RPSA2: variants seen among roughly 807,000 people sequenced by gnomAD.
RPSA2 encodes the protein small ribosomal subunit protein uS2B.
the RPSA2 span, chr19:23,818,058 C>T: frequency 6.6e-6 from 1 of 152,144 alleles, no homozygotes; most frequent in Non-Finnish European, 1.5e-5. Flanking sequence ...TCTTTACATC[C>T]TCTACTTCAT....
At chr19:23,763,956 C>G in the RPSA2 span, among the ~76,000 whole-genome samples, 1 of 151,976 alleles carries the variant, frequency 6.6e-6, no homozygotes, top group Non-Finnish European at 1.5e-5. Context: ...TATGTAGTCA[C>G]CTTATTTGTA....
the RPSA2 span, among the ~76,000 whole-genome samples, chr19:23,789,970 G>A: frequency 2.6e-5 from 4 of 151,896 alleles, no homozygotes; most frequent in Admixed American, 2.0e-4. Context: ...GAGCCACTGC[G>A]CCTGCCCCCC....
At chr19:23,795,166 G>T in the RPSA2 span, among the ~76,000 whole-genome samples, 473 of 140,372 alleles carry the variant, frequency 3.4e-3, 3 homozygotes, top group African/African-American at 0.012. Context: ...GGACTCTTTT[G>T]GTTTTATATG....
chr19:23,827,651 A>G, the RPSA2 span: 4 of 1,596,376 alleles, frequency 2.5e-6, no homozygotes, highest in Non-Finnish European at 2.5e-6. Flanking sequence ...CATCCCATGC[A>G]ACAACAAGGG....
chr19:23,842,345 G>GT, the RPSA2 span, among the ~76,000 whole-genome samples: 1 of 152,088 alleles, frequency 6.6e-6, no homozygotes, highest in East Asian at 1.9e-4. Context: ...AATTACACTG[G>GT]TTTTTTGGAT....
chr19:23,829,673 T>C, the RPSA2 span, among the ~76,000 whole-genome samples: 1 of 152,222 alleles, frequency 6.6e-6, no homozygotes, highest in African/African-American at 2.4e-5. Flanking sequence ...GATACAACAA[T>C]ACATTTTAAT....
chr19:23,814,962 C>G, the RPSA2 span, among the ~76,000 whole-genome samples: 2 of 152,124 alleles, frequency 1.3e-5, no homozygotes, highest in African/African-American at 4.8e-5. Flanking sequence ...CTTTCCTCCT[C>G]AGTGTCTCAT....
chr19:23,763,159 C>A, the RPSA2 span: 1 of 155,444 alleles, frequency 6.4e-6, no homozygotes, highest in South Asian at 1.8e-4. Flanking sequence ...TTGGGCAACC[C>A]GAGAAGGGAG....
the RPSA2 span, among the ~76,000 whole-genome samples, chr19:23,825,769 A>T: frequency 6.6e-6 from 1 of 152,016 alleles, no homozygotes; most frequent in Non-Finnish European, 1.5e-5. Flanking sequence ...TTGTATTTTT[A>T]GTAGAGACAG....
chr19:23,766,451 A>AT, the RPSA2 span, among the ~76,000 whole-genome samples: 53 of 102,686 alleles, frequency 5.2e-4, 1 homozygote, highest in African/African-American at 1.8e-3. Context: ...TCTCAAGCTA[A>AT]TTTTTTTTTT....
At chr19:23,866,169 G>C in the RPSA2 span, among the ~76,000 whole-genome samples, 6 of 152,160 alleles carry the variant, frequency 3.9e-5, no homozygotes, top group Non-Finnish European at 2.9e-5. Context: ...AAGCATGTTT[G>C]GAGCACAATT....
chr19:23,821,685 T>C, the RPSA2 span, among the ~76,000 whole-genome samples: 2 of 152,332 alleles, frequency 1.3e-5, no homozygotes, highest in East Asian at 3.9e-4. Context: ...ATTCTCTTCA[T>C]TGTCCTCTGG....
At chr19:23,775,684 A>C in the RPSA2 span, among the ~76,000 whole-genome samples, 10 of 152,230 alleles carry the variant, frequency 6.6e-5, no homozygotes, top group African/African-American at 2.4e-4. Context: ...TCATAAGTGA[A>C]TTCAGTCCAA....
At chr19:23,837,232 G>A in the RPSA2 span, among the ~76,000 whole-genome samples, 1 of 151,992 alleles carries the variant, frequency 6.6e-6, no homozygotes, top group South Asian at 2.1e-4. Flanking sequence ...ACCGTTTGTT[G>A]AAAAGGGTGT....
At chr19:23,853,942 A>G in the RPSA2 span, among the ~76,000 whole-genome samples, 1 of 152,218 alleles carries the variant, frequency 6.6e-6, no homozygotes, top group South Asian at 2.1e-4. Context: ...CAATCCCAGT[A>G]TCTACTAGGC....
the RPSA2 span, among the ~76,000 whole-genome samples, chr19:23,761,986 G>A: frequency 2.2e-5 from 3 of 137,570 alleles, no homozygotes; most frequent in Admixed American, 7.7e-5. Context: ...GGCATAATTT[G>A]GGCTCACTGC....
the RPSA2 span, among the ~76,000 whole-genome samples, chr19:23,808,272 A>AATTTTTTT: frequency 0.49 from 62,412 of 126,530 alleles, 17,274 homozygotes; most frequent in African/African-American, 0.53. Context: ...TACAAAATTA[A>AATTTTTTT]TTTTTTTTTT....
At chr19:23,779,416 C>T in the RPSA2 span, among the ~76,000 whole-genome samples, 3 of 152,166 alleles carry the variant, frequency 2.0e-5, no homozygotes, top group East Asian at 5.8e-4. Context: ...AAGATACTGT[C>T]TTCTCCTGCC....
chr19:23,809,222 CTTG>C, the RPSA2 span: 4 of 151,608 alleles, frequency 2.6e-5, no homozygotes, highest in Non-Finnish European at 2.9e-5. Context: ...CACTGGTTTT[CTTG>C]TTCATTTTTT....
Sources: allele counts gnomAD v4.1 joint callset (sites outside exome capture counted in the v4.1 genomes callset), GRCh38; gene constraint gnomAD v4.1.1; transcripts MANE v1.5; gene names NCBI Gene and HGNC (gene_info 2026-07-23, HGNC 2026-07-21).